WDR12: variants seen among roughly 807,000 people sequenced by gnomAD.
WDR12 encodes WD repeat domain 12.
In WDR12, 42 loss-of-function variants were observed where a neutral mutation model predicts 64.3. The ratio of observed to expected loss-of-function variants is 0.65; its 90% CI spans 0.51 to 0.84. The LOEUF (loss-of-function observed/expected upper bound fraction) is 0.84. WDR12 is among the 40% of genes least tolerant of loss of function. WDR12 has a pLI of 0.00. For missense variants in WDR12, 469 were observed against 494.6 expected (o/e 0.95, Z 0.49); for synonymous variants, 158 against 173.3 (o/e 0.91, Z 0.70).
intron 1 of WDR12, among the ~76,000 whole-genome samples, chr2:202,910,412 A>G (rs577577649): frequency 1.5e-4 from 23 of 152,062 alleles, no homozygotes; most frequent in African/African-American, 5.5e-4. Flanking sequence ...AATTCCAGCT[A>G]CTCTGGAGGC....
In WDR12 at chr2:202,876,574, C is replaced by T. The variant is rs1397018824; in HGVS notation, c.*4286G>A. ...TAAAAAAGATATTATTGGAATATCC[C>T]TTGCATATAGTCTTAAAATGTCATA... On this transcript the variant is annotated 3_prime_UTR_variant, in exon 13 of 13. Coordinates refer to ENST00000261015, the MANE Select transcript of WDR12 (RefSeq NM_018256.4). 1.3e-5 allele frequency: 2 copies of T among 152,114 alleles called. No homozygotes were observed. Among genetic ancestry groups the T allele is most frequent in the African/African-American group, 4.8e-5 (2 of 41,398 alleles). 9.4% of individuals were successfully genotyped at this position (152,114 alleles called of 1,614,324 possible). A position where few individuals can be genotyped will look rare whatever the true frequency, so the allele number is the denominator to read the frequency against.
rs530536157 is a variant in WDR12, at chr2:202,878,905, A to G, written c.*1955T>C. 1 of 152,390 alleles carries G rather than the reference A, an allele frequency of 6.6e-6. No homozygotes were observed. The highest frequency in any genetic ancestry group is 1.9e-4 in the East Asian group (1 of 5,194). The allele number at this position is 152,390 out of a possible 1,614,324, so 9.4% of individuals were successfully genotyped here. ...ATTTTTATATAACACATGCATAAAG[A>G]TAAATGCTAATGATATCATAAAATC... On this transcript the variant is annotated 3_prime_UTR_variant, in exon 13 of 13. Coordinates refer to ENST00000261015, the MANE Select transcript of WDR12 (RefSeq NM_018256.4).
intron 8 of WDR12, 38 bp from the exon 9 acceptor site, chr2:202,884,573 A>C: frequency 6.3e-7 from 1 of 1,578,722 alleles, no homozygotes; most frequent in Non-Finnish European, 8.6e-7. Context: ...AAGTGTTTTC[A>C]TTACAGAATA....
At chr2:202,898,560 A>C (rs1688293292) in intron 4 of WDR12, among the ~76,000 whole-genome samples, 1 of 152,200 alleles carries the variant, frequency 6.6e-6, no homozygotes, top group South Asian at 2.1e-4. Flanking sequence ...CTTTGAAAGA[A>C]GCTCCTACCA....
At chr2:202,881,293 A>C (rs1687944366) in intron 12 of WDR12, among the ~76,000 whole-genome samples, 1 of 152,214 alleles carries the variant, frequency 6.6e-6, no homozygotes, top group Admixed American at 6.5e-5. Context: ...CAAATTATTC[A>C]AGTAGCCCTA....
In WDR12 at chr2:202,907,896, G is replaced by A. The variant is rs2105912885; in HGVS notation, c.105C>T (p.Asn35=). The change falls in exon 2 of 13, where the codon AAC becomes AAT. Residue 35 remains asparagine (N), a synonymous_variant. Transcript: ENST00000261015. ...TGTCCTTTAGTAGTTTATTGATGAT[G>A]TTACTAAGGTCGGCAATTTCAGAGG... ...PAASEIADLS[N]IINKLLKDKN... The A allele has an allele frequency of 6.2e-7, 1 of 1,613,952 alleles. No individual in the cohort carries two copies. The highest frequency in any genetic ancestry group is 8.5e-7 in the Non-Finnish European group (1 of 1,179,932).
At chr2:202,909,697 T>C (rs1688530635) in intron 1 of WDR12, among the ~76,000 whole-genome samples, 1 of 149,722 alleles carries the variant, frequency 6.7e-6, no homozygotes. Flanking sequence ...TGTATATTCT[T>C]GTGTGTGTGT....
intron 2 of WDR12, among the ~76,000 whole-genome samples, chr2:202,905,533 A>T (rs1196433373): frequency 2.0e-5 from 3 of 152,228 alleles, no homozygotes; most frequent in Admixed American, 2.0e-4. Flanking sequence ...TGGGGATGTC[A>T]ATTAGTACAA....
chr2:202,903,698 G>C (rs1559163972), intron 2 of WDR12, among the ~76,000 whole-genome samples: 1 of 152,114 alleles, frequency 6.6e-6, no homozygotes, highest in Non-Finnish European at 1.5e-5. Flanking sequence ...ACAAAAATCA[G>C]TAGCATTTCT....
In WDR12 at chr2:202,880,690, C is replaced by A. The variant is rs1687933430; in HGVS notation, c.*170G>T. 9.4e-6 allele frequency: 4 copies of A among 424,782 alleles called. No homozygotes were observed. In the Admixed American group the frequency reaches 1.3e-4, roughly 13 times the overall value. 26.3% of individuals were successfully genotyped at this position (424,782 alleles called of 1,614,324 possible). ...TTTGTATTTTATAAACACAACCTAT[C>A]TTATTATAAATACAAAATAAGAAAA... On this transcript the variant is annotated 3_prime_UTR_variant, in exon 13 of 13. Coordinates refer to ENST00000261015, the MANE Select transcript of WDR12 (RefSeq NM_018256.4).
intron 8 of WDR12, among the ~76,000 whole-genome samples, chr2:202,890,901 G>A (rs1420048078): frequency 2.0e-5 from 3 of 151,696 alleles, no homozygotes. Flanking sequence ...GGTGGAGGTG[G>A]GAGGATCACC....
In WDR12 at chr2:202,874,920, C is replaced by T. The variant is rs936181591; in HGVS notation, c.*5940G>A. On this transcript the variant is annotated 3_prime_UTR_variant, in exon 13 of 13. Transcript: ENST00000261015. ...ACATCGTTTTAAAAATTATTTCCTC[C>T]CCCTGAAACCACTGAACTTCATCTG... is the stretch of plus-strand genomic sequence containing the variant. 6.6e-6 allele frequency: 1 copy of T among 152,118 alleles called. No homozygotes were observed. Among genetic ancestry groups the T allele is most frequent in the African/African-American group, 2.4e-5 (1 of 41,400 alleles). The allele number at this position is 152,118 out of a possible 1,614,324, so 9.4% of individuals were successfully genotyped here.
At chr2:202,899,994 G>A (rs749482501) in intron 3 of WDR12, among the ~76,000 whole-genome samples, 5 of 152,018 alleles carry the variant, frequency 3.3e-5, no homozygotes, top group East Asian at 1.9e-4. Flanking sequence ...AATATTAATC[G>A]CCTTGTACAA....
chr2:202,908,845 C>G (rs1688510717), intron 1 of WDR12, among the ~76,000 whole-genome samples: 1 of 152,106 alleles, frequency 6.6e-6, no homozygotes, highest in Admixed American at 6.5e-5. Context: ...AATCATGTAT[C>G]TAATAAGGAA....
chr2:202,884,454 A>G lies in WDR12; in HGVS notation c.823T>C (p.Ser275Pro). 1 of 1,614,210 alleles carries G rather than the reference A, an allele frequency of 6.2e-7. No homozygotes were observed. Among genetic ancestry groups the G allele is most frequent in the Non-Finnish European group, 8.5e-7 (1 of 1,180,034 alleles). ...CACACTCTAATTGTATGGTCCCAAGATGCACTGCAGATTTCTTCAGCATCT... is the reference window on the plus strand; with the variant it reads ...CACACTCTAATTGTATGGTCCCAAGGTGCACTGCAGATTTCTTCAGCATCT... Reference protein sequence around the residue: ...WSDAEEICSASWDHTIRVWDV... With the variant: ...WSDAEEICSAPWDHTIRVWDV... Residue 275 changes from serine (S) to proline (P), a missense_variant, in exon 9 of 13, where the codon TCT (serine) becomes CCT (proline). Transcript: ENST00000261015.
At chr2:202,888,937 T>G (rs1170535593) in intron 8 of WDR12, among the ~76,000 whole-genome samples, 4 of 152,136 alleles carry the variant, frequency 2.6e-5, no homozygotes, top group Admixed American at 2.0e-4. Context: ...CTCAAACTCC[T>G]AGGCTCAAGT....
rs1252536473 is a variant in WDR12, at chr2:202,894,190, T to C, written c.655+391A>G. On this transcript the variant is annotated intron_variant, in intron 7 of 12. Coordinates refer to ENST00000261015, the MANE Select transcript of WDR12 (RefSeq NM_018256.4). ...ACTGGTCTCTTTTTATGGCAAAATA[T>C]GGGTTAAAAAGTCCCCTTTCACTAA... Among the ~76,000 whole-genome samples the C allele has an allele frequency of 6.0e-5, 9 of 150,212 alleles. No individual in the cohort carries two copies. The South Asian group carries it at 8.4e-4, about 14-fold the overall frequency.
At chr2:202,895,656 G>T (rs561870342) in intron 6 of WDR12, among the ~76,000 whole-genome samples, 5 of 148,728 alleles carry the variant, frequency 3.4e-5, no homozygotes, top group African/African-American at 1.2e-4. Context: ...CCGAGTAGCT[G>T]GGATTACAGG....
In WDR12 at chr2:202,880,842, T is replaced by C; in HGVS notation, c.*18A>G. 1 of 1,598,472 alleles carries C rather than the reference T, an allele frequency of 6.3e-7. No individual in the cohort carries two copies. Among genetic ancestry groups the C allele is most frequent in the Non-Finnish European group, 8.5e-7 (1 of 1,170,856 alleles). Reference sequence around the variant, plus strand: ...TCATTTACAGAAATAATCTCTATAGTCAAATTATTGTTCACTTTCATGCCC... The same window carrying C: ...TCATTTACAGAAATAATCTCTATAGCCAAATTATTGTTCACTTTCATGCCC... On this transcript the variant is annotated 3_prime_UTR_variant, in exon 13 of 13. Coordinates refer to ENST00000261015, the MANE Select transcript of WDR12 (RefSeq NM_018256.4).
Sources: gnomAD v4.1 joint callset for allele counts (sites outside exome capture counted in the v4.1 genomes callset) on GRCh38, gnomAD v4.1.1 for gene constraint, MANE v1.5 for transcripts, NCBI Gene and HGNC (gene_info 2026-07-23, HGNC 2026-07-21) for gene names.